The following GOLGA5 variants were observed in gnomAD, a reference collection of about 807,000 sequenced individuals.
GOLGA5 encodes the protein golgin A5.
In GOLGA5, 50 loss-of-function variants were observed where a neutral mutation model predicts 93.5. The ratio of observed to expected loss-of-function variants is 0.53; its 90% confidence interval spans 0.43 to 0.68. The LOEUF (loss-of-function observed/expected upper bound fraction) is 0.68. Among genes scored for constraint, GOLGA5 ranks in the 30% least tolerant of loss-of-function variants. The pLI, the probability that GOLGA5 is intolerant of heterozygous loss-of-function variation, is 0.00. For missense variants in GOLGA5, 760 were observed against 856.4 expected (o/e 0.89, Z 1.40); for synonymous variants, 312 against 304.5 (o/e 1.02, Z -0.26).
At chr14:92,813,690 T>C (rs1885147804) in intron 6 of GOLGA5, among the ~76,000 whole-genome samples, 1 of 152,130 alleles carries the variant, frequency 6.6e-6, no homozygotes, top group Non-Finnish European at 1.5e-5. Context: ...ATGAAAAGGT[T>C]AGGGGAGATT....
At chr14:92,816,782 ACTC>A (rs1885217857) in intron 7 of GOLGA5, among the ~76,000 whole-genome samples, 1 of 151,850 alleles carries the variant, frequency 6.6e-6, no homozygotes, top group Non-Finnish European at 1.5e-5. Context: ...CTGGTCCCAA[ACTC>A]CTGGCCTCAA....
rs1884667377 is a variant in GOLGA5, at chr14:92,794,367, C to T, written c.-120C>T. 2.0e-5 allele frequency: 3 copies of T among 152,600 alleles called. No individual in the cohort carries two copies. Among genetic ancestry groups the T allele is most frequent in the Middle Eastern group, 6.8e-3 (2 of 296 alleles). The allele number at this position is 152,600 out of a possible 1,614,324, so 9.5% of individuals were successfully genotyped here. On this transcript the variant is annotated 5_prime_UTR_variant, in exon 1 of 13. Transcript: ENST00000163416. ...CCCGGCGGGTCGGGGAGGAGGTTTA[C>T]TCAGCTTGGGCCCCCTCCGGGCCAG...
rs1195576226 is a variant in GOLGA5 at position 92,833,360 on chromosome 14, G to C, written c.1945+13G>C. On this transcript the variant is annotated intron_variant, in intron 10 of 12. Coordinates refer to ENST00000163416, the MANE Select transcript of GOLGA5 (RefSeq NM_005113.4). ...GACAATGGTGAAGGTAATCAAAAAAGGAATCTCAAAAGAACATTTCATTCA... is the reference window on the plus strand; with the variant it reads ...GACAATGGTGAAGGTAATCAAAAAACGAATCTCAAAAGAACATTTCATTCA... 6.7e-7 allele frequency: 1 copy of C among 1,487,508 alleles called. No homozygotes were observed. The highest frequency in any genetic ancestry group is 1.1e-5 in the South Asian group (1 of 88,318). The allele number at this position is 1,487,508 out of a possible 1,614,324, so 92.1% of individuals were successfully genotyped here. A position where few individuals can be genotyped will look rare whatever the true frequency, so the allele number is the denominator to read the frequency against.
intron 3 of GOLGA5, among the ~76,000 whole-genome samples, chr14:92,807,754 A>T (rs1416358562): frequency 1.3e-5 from 2 of 152,222 alleles, no homozygotes; most frequent in Admixed American, 1.3e-4. Flanking sequence ...TAAGAAGGAA[A>T]TAATCTCATT....
intron 5 of GOLGA5, 123 bp downstream of exon 5, chr14:92,810,500 C>A: frequency 1.5e-6 from 1 of 659,046 alleles, no homozygotes; most frequent in Non-Finnish European, 2.3e-6. Flanking sequence ...AATTCTGTTT[C>A]TGTGACAAAA....
intron 12 of GOLGA5, among the ~76,000 whole-genome samples, chr14:92,838,586 A>G (rs143719192): frequency 3.2e-3 from 482 of 152,224 alleles, no homozygotes; most frequent in Middle Eastern, 0.014. Flanking sequence ...AGCTGGTCTC[A>G]AACTCCTGAC....
chr14:92,798,920 GATAAAA>G (rs1472874406), intron 2 of GOLGA5, among the ~76,000 whole-genome samples: 22 of 152,136 alleles, frequency 1.4e-4, no homozygotes, highest in Admixed American at 1.3e-3. Context: ...TGTCTCCAAA[GATAAAA>G]ATAGAAAAAA....
In GOLGA5 at chr14:92,839,441, A is replaced by G; in HGVS notation, c.2191A>G (p.Lys731Glu). 6.2e-7 allele frequency: 1 copy of G among 1,603,314 alleles called. No homozygotes were observed. Among genetic ancestry groups the G allele is most frequent in the Non-Finnish European group, 8.5e-7 (1 of 1,173,574 alleles). ...AATGCACCACGACCAACCATATGGCAAATGAACCAAGCCCAGTTGTTGCAG... is the reference window on the plus strand; with the variant it reads ...AATGCACCACGACCAACCATATGGCGAATGAACCAAGCCCAGTTGTTGCAG... ...PEMHHDQPYG[K>E] Residue 731 changes from lysine to glutamate, a missense_variant, in exon 13 of 13, where the codon AAA (lysine) becomes GAA (glutamate). Lys to Glu is a moderately conservative substitution (Grantham distance 56, BLOSUM62 1). Transcript: ENST00000163416.
intron 1 of GOLGA5, among the ~76,000 whole-genome samples, 167 bp from the exon 2 acceptor site, chr14:92,797,241 A>G (rs1271625110): frequency 6.6e-6 from 1 of 152,120 alleles, no homozygotes. Context: ...CCCATTTTCT[A>G]GATAAGATTT....
chr14:92,819,734 A>G lies in GOLGA5; in HGVS notation c.1518A>G (p.Glu506=), dbSNP rs369145821. The G allele has an allele frequency of 1.2e-5, 20 of 1,613,678 alleles. No homozygotes were observed. The highest frequency in any genetic ancestry group is 3.3e-5 in the Admixed American group (2 of 60,000). ...ATATGGAGGCACAGCAAGTTAATGA[A>G]GCAGAATCAGCAAGAGAACAGTTAC... ...LQDMEAQQVN[E]AESAREQLQD... The change falls in exon 8 of 13, where the codon GAA becomes GAG. Residue 506 remains glutamate (E), a synonymous_variant. Transcript: ENST00000163416.
In GOLGA5 at chr14:92,816,285, G is replaced by C. The variant is rs1287288717; in HGVS notation, c.1355G>C (p.Gly452Ala). The C allele has an allele frequency of 8.7e-6, 14 of 1,613,486 alleles. No individual in the cohort carries two copies. The highest frequency in any genetic ancestry group is 1.2e-5 in the Non-Finnish European group (14 of 1,179,676). The change falls in exon 7 of 13, where the codon GGC becomes GCC. Residue 452 changes from glycine (G) to alanine (A), a missense_variant. By Grantham distance (60) the Gly-to-Ala change is moderately conservative (BLOSUM62 0). Transcript: ENST00000163416. ...AAATTGATTAACAGCTTGAAAGAAGGCTCTGGTTTTGAAGGCCTAGATAGC... is the reference window on the plus strand; with the variant it reads ...AAATTGATTAACAGCTTGAAAGAAGCCTCTGGTTTTGAAGGCCTAGATAGC... ...KEKLINSLKE[G>A]SGFEGLDSST...
Position 92,809,309 on chromosome 14 carries a change from AAGCAAG to A in GOLGA5, c.791_796del (p.Ala264_Arg265del). The A allele has an allele frequency of 6.2e-7, 1 of 1,608,524 alleles. No individual in the cohort carries two copies. On this transcript the variant is annotated inframe_deletion, in exon 4 of 13. Transcript: ENST00000163416. ...TTAAATTTTTTAATAGAATTAAACAAAGCAAGAGCAAGAGTTGAAAAGTGGAATGCT... is the reference window on the plus strand; with the variant it reads ...TTAAATTTTTTAATAGAATTAAACAAAGCAAGAGTTGAAAAGTGGAATGCT...
chr14:92,812,638 C>A (rs1307373568), intron 6 of GOLGA5, among the ~76,000 whole-genome samples: 1 of 152,086 alleles, frequency 6.6e-6, no homozygotes, highest in Non-Finnish European at 1.5e-5. Flanking sequence ...AATAAATATT[C>A]TCTGTCCTTT....
intron 2 of GOLGA5, among the ~76,000 whole-genome samples, chr14:92,801,939 G>T (rs983597306): frequency 2.6e-5 from 4 of 152,088 alleles, no homozygotes; most frequent in African/African-American, 9.7e-5. Context: ...GTAGTTTTAT[G>T]TGTCTTGATA....
At position 92,795,491 on chromosome 14, in the gene GOLGA5, C is replaced by T. The variant is rs76745309; in HGVS notation, c.-31+1035C>T. On this transcript the variant is annotated intron_variant, in intron 1 of 12. Coordinates refer to ENST00000163416, the MANE Select transcript of GOLGA5 (RefSeq NM_005113.4). ...CTAAACTCTGGGATCTTTCTAAACC[C>T]TTTCCACATTTGCTTTAAAAAAAGG... Among the ~76,000 whole-genome samples the T allele has an allele frequency of 3.5e-3, 529 of 152,252 alleles. 3 individuals are homozygous for T. The highest frequency in any genetic ancestry group is 0.012 in the African/African-American group (513 of 41,536).
Position 92,819,783 on chromosome 14 carries a change from G to A in GOLGA5, c.1567G>A (p.Gly523Arg). The change falls in exon 8 of 13, where the codon GGG becomes AGG. Residue 523 changes from glycine (G) to arginine (R), a missense_variant. Physicochemically the swap from Gly to Arg is moderately radical, Grantham distance 125. Transcript: ENST00000163416. ...QLQDLHDQIAGQKASKQELET... is the reference protein window; with the variant it reads ...QLQDLHDQIARQKASKQELET... ...ACAGGATCTGCATGACCAAATAGCTGGGCAGAAAGCATCCAAACAAGAACT... is the reference window on the plus strand; with the variant it reads ...ACAGGATCTGCATGACCAAATAGCTAGGCAGAAAGCATCCAAACAAGAACT... The A allele has an allele frequency of 1.9e-6, 3 of 1,613,908 alleles. No individual in the cohort carries two copies. The highest frequency in any genetic ancestry group is 1.7e-6 in the Non-Finnish European group (2 of 1,179,796).
At chr14:92,815,980 C>T (rs1204418441) in intron 6 of GOLGA5, among the ~76,000 whole-genome samples, 1 of 152,052 alleles carries the variant, frequency 6.6e-6, no homozygotes, top group African/African-American at 2.4e-5. Context: ...GCTGGGATTA[C>T]AGGCGTGAGC....
At chr14:92,837,318 C>A in intron 11 of GOLGA5, 68 bp from the exon 12 acceptor site, 1 of 776,038 alleles carries the variant, frequency 1.3e-6, no homozygotes, top group South Asian at 1.5e-5. Flanking sequence ...TTAGATATTA[C>A]CACAGGAAGA....
In GOLGA5 at chr14:92,795,048, CAATT is replaced by C. The variant is rs1884693675; in HGVS notation, c.-31+597_-31+600del. Among the ~76,000 whole-genome samples, 6 of 151,872 alleles carry C rather than the reference CAATT, an allele frequency of 4.0e-5. No homozygotes were observed. In the Middle Eastern group the frequency reaches 0.01, roughly 258 times the overall value. The stretch of plus-strand genomic sequence containing the variant: ...CAGTTGCATGGTATGTTTTAAAGCC[CAATT>C]AATTTTGAAATGGGAGGCAAGATAT... On this transcript the variant is annotated intron_variant, in intron 1 of 12. Coordinates refer to ENST00000163416, the MANE Select transcript of GOLGA5 (RefSeq NM_005113.4).
Sources: gnomAD v4.1 joint callset for allele counts (sites outside exome capture counted in the v4.1 genomes callset) on GRCh38, gnomAD v4.1.1 for gene constraint, MANE v1.5 for transcripts, NCBI Gene and HGNC (gene_info 2026-07-23, HGNC 2026-07-21) for gene names.